The following PRKCA variants were observed in gnomAD, a reference collection of about 807,000 sequenced individuals.
PRKCA encodes the protein protein kinase C alpha type.
In PRKCA, 27 loss-of-function variants were observed where a neutral mutation model predicts 87.0. The ratio of observed to expected loss-of-function variants is 0.31; its 90% CI spans 0.23 to 0.43. The LOEUF (loss-of-function observed/expected upper bound fraction) is 0.43. Ranked by LOEUF, PRKCA falls within the 20% of genes least tolerant of loss-of-function variation. The pLI, the probability that PRKCA is intolerant of heterozygous loss-of-function variation, is 1.00. For missense variants in PRKCA, 518 were observed against 852.3 expected (o/e 0.61, Z 4.88); for synonymous variants, 329 against 311.1 (o/e 1.06, Z -0.61).
At chr17:66,636,729 G>C (rs1971160075) in intron 3 of PRKCA, among the ~76,000 whole-genome samples, 1 of 152,206 alleles carries the variant, frequency 6.6e-6, no homozygotes, top group Admixed American at 6.5e-5. Context: ...TATTCCCTAA[G>C]CTGGGTGTCA....
chr17:66,739,807 G>C (rs1974118150), intron 11 of PRKCA, among the ~76,000 whole-genome samples: 1 of 152,114 alleles, frequency 6.6e-6, no homozygotes. Context: ...TGGGTGAAGA[G>C]CCTGGTAAGG....
intron 3 of PRKCA, among the ~76,000 whole-genome samples, chr17:66,538,782 G>A (rs9303510): frequency 0.22 from 33,509 of 152,076 alleles, 3,770 homozygotes; most frequent in East Asian, 0.29. Context: ...AATGAGTACC[G>A]TAGCAAAACA....
chr17:66,562,661 A>G (rs1968753043), intron 3 of PRKCA, among the ~76,000 whole-genome samples: 1 of 151,820 alleles, frequency 6.6e-6, no homozygotes, highest in African/African-American at 2.4e-5. Flanking sequence ...CACTGGCACT[A>G]TCTTGGCTCA....
chr17:66,488,510 G>A (rs556816389), intron 2 of PRKCA, among the ~76,000 whole-genome samples: 3 of 152,258 alleles, frequency 2.0e-5, no homozygotes, highest in African/African-American at 7.2e-5. Context: ...GCTTGGGGCC[G>A]TTCTTGACTC....
At chr17:66,738,917 C>CT (rs5821506) in intron 11 of PRKCA, 62 bp downstream of exon 11, 1,217,636 of 1,224,484 alleles carry the variant, frequency 0.99, 605,483 homozygotes, top group East Asian at 1. Flanking sequence ...TGGAAACTTC[C>CT]TTTTTTCCCC....
At chr17:66,445,086 T>C (rs75005068) in intron 2 of PRKCA, among the ~76,000 whole-genome samples, 7,019 of 152,264 alleles carry the variant, frequency 0.046, 238 homozygotes, top group Admixed American at 0.11. Context: ...TTGGATGTCA[T>C]GTCCTTGACA....
chr17:66,566,479 G>GTTTTTTTTTTTTTTTTTTTTTTTTT lies in PRKCA; in HGVS notation c.288+70196_288+70197insTTTTTTTTTTTTTTTTTTTTTTTTT, dbSNP rs368602635. On this transcript the variant is annotated intron_variant, in intron 3 of 16. Transcript: ENST00000413366. ...TTGTGAAGAACTGTTGTTGTTTTTT[G>GTTTTTTTTTTTTTTTTTTTTTTTTT]GTTTTTTTTTTTTTTTTTTTTTTGC... 2.7e-5 allele frequency among the ~76,000 whole-genome samples: 2 copies of GTTTTTTTTTTTTTTTTTTTTTTTTT among 74,704 alleles called. 1 individual carries two copies. The highest frequency in any genetic ancestry group is 9.3e-5 in the African/African-American group (2 of 21,392). 49.0% of individuals were successfully genotyped at this position (74,704 alleles called of 152,430 possible). A position where few individuals can be genotyped will look rare whatever the true frequency, so the allele number is the denominator to read the frequency against.
Position 66,656,607 on chromosome 17 carries a change from T to C in PRKCA, c.529+11096T>C, listed in dbSNP as rs113368971. Among the ~76,000 whole-genome samples, 4 of 152,360 alleles carry C rather than the reference T, an allele frequency of 2.6e-5. 1 individual carries two copies. The highest frequency in any genetic ancestry group is 7.2e-5 in the African/African-American group (3 of 41,580). ...GCAAATGATGTCTTTTCAATCACTTTCCATTGAAACTTTCTTCTAATGCTT... is the reference window on the plus strand; with the variant it reads ...GCAAATGATGTCTTTTCAATCACTTCCCATTGAAACTTTCTTCTAATGCTT... On this transcript the variant is annotated intron_variant, in intron 5 of 16. Coordinates refer to ENST00000413366, the MANE Select transcript of PRKCA (RefSeq NM_002737.3).
At chr17:66,635,917 C>T (rs1034652907) in intron 3 of PRKCA, among the ~76,000 whole-genome samples, 4 of 151,850 alleles carry the variant, frequency 2.6e-5, no homozygotes, top group African/African-American at 9.7e-5. Flanking sequence ...ACTATTTTTG[C>T]AAATTCTTGT....
chr17:66,765,556 TTA>T (rs748386604), intron 13 of PRKCA, among the ~76,000 whole-genome samples: 184 of 142,864 alleles, frequency 1.3e-3, no homozygotes, highest in African/African-American at 3.0e-3. Context: ...ATATATGTCT[TTA>T]TATATATATA....
At chr17:66,515,061 C>T (rs1408615639) in intron 3 of PRKCA, among the ~76,000 whole-genome samples, 3 of 152,016 alleles carry the variant, frequency 2.0e-5, no homozygotes, top group African/African-American at 7.2e-5. Flanking sequence ...CAAGACCATC[C>T]TGGCTAACAT....
At position 66,542,110 on chromosome 17, in the gene PRKCA, A is replaced by T. The variant is rs140044053; in HGVS notation, c.288+45827A>T. 3.7e-4 allele frequency among the ~76,000 whole-genome samples: 56 copies of T among 152,310 alleles called. 1 individual carries two copies. In the East Asian group the frequency reaches 9.5e-3, roughly 26 times the overall value. On this transcript the variant is annotated intron_variant, in intron 3 of 16. Transcript: ENST00000413366. ...TTCATGCTTTTAAAATTACTAGTTAATGTTTAAGGAGTTTATACGGAGTGG... is the reference window on the plus strand; with the variant it reads ...TTCATGCTTTTAAAATTACTAGTTATTGTTTAAGGAGTTTATACGGAGTGG...
intron 5 of PRKCA, among the ~76,000 whole-genome samples, chr17:66,678,676 AAAG>A (rs1344611268): frequency 5.9e-5 from 9 of 152,040 alleles, no homozygotes; most frequent in Non-Finnish European, 1.0e-4. Flanking sequence ...AAAAAAAAAA[AAAG>A]GACAGTCCCA....
chr17:66,643,772 C>A (rs1971375235), intron 4 of PRKCA, among the ~76,000 whole-genome samples: 1 of 152,184 alleles, frequency 6.6e-6, no homozygotes, highest in African/African-American at 2.4e-5. Context: ...AGAGAAGAAG[C>A]CTCTTCCTGT....
chr17:66,696,275 A>T (rs1033109525), intron 8 of PRKCA, among the ~76,000 whole-genome samples: 6 of 152,368 alleles, frequency 3.9e-5, no homozygotes, highest in Non-Finnish European at 7.3e-5. Context: ...GACCTGGGAC[A>T]GATTACTCAA....
At chr17:66,447,815 T>A (rs951315663) in intron 2 of PRKCA, among the ~76,000 whole-genome samples, 1 of 152,220 alleles carries the variant, frequency 6.6e-6, no homozygotes, top group African/African-American at 2.4e-5. Flanking sequence ...GTCTAGGCTC[T>A]CCTCCTTCTG....
intron 3 of PRKCA, among the ~76,000 whole-genome samples, chr17:66,613,816 C>G (rs948101625): frequency 2.1e-4 from 21 of 101,618 alleles, no homozygotes; most frequent in Non-Finnish European, 3.4e-4. Context: ...GAGACAGAGT[C>G]TTGCTCTGTC....
chr17:66,432,006 G>A (rs1282091024), intron 2 of PRKCA, among the ~76,000 whole-genome samples: 1 of 151,934 alleles, frequency 6.6e-6, no homozygotes, highest in Non-Finnish European at 1.5e-5. Flanking sequence ...TTTATCCTTA[G>A]GCTGAAACAT....
intron 3 of PRKCA, among the ~76,000 whole-genome samples, chr17:66,606,766 CATT>C (rs906334788): frequency 6.6e-6 from 1 of 152,026 alleles, no homozygotes; most frequent in African/African-American, 2.4e-5. Flanking sequence ...AGTTGTAAAA[CATT>C]TGTGGCTATT....
Sources: allele counts gnomAD v4.1 joint callset (sites outside exome capture counted in the v4.1 genomes callset), GRCh38; gene constraint gnomAD v4.1.1; transcripts MANE v1.5; gene names NCBI Gene and HGNC (gene_info 2026-07-23, HGNC 2026-07-21).